Variants in SNRNP48 observed in about 807,000 individuals in gnomAD.
The protein encoded by SNRNP48 is small nuclear ribonucleoprotein U11/U12 subunit 48.
In SNRNP48, 43 loss-of-function variants were observed where a neutral mutation model predicts 47.0. The observed-to-expected ratio is 0.92, with a 90% CI of 0.72 to 1.18. The LOEUF (loss-of-function observed/expected upper bound fraction) is 1.18, where lower values mean the gene tolerates loss of function less well. Ranked by LOEUF, SNRNP48 falls within the 50% of genes most tolerant of loss-of-function variation. The pLI is 0.00. For missense variants in SNRNP48, 396 were observed against 422.2 expected, an observed-to-expected ratio of 0.94 and a Z score of 0.54; for synonymous variants, 138 against 144.0, an observed-to-expected ratio of 0.96 and a Z score of 0.30.
rs149615009 is a variant in SNRNP48 at position 7,604,110 on chromosome 6, G to T, written c.718-1288G>T. Among the ~76,000 whole-genome samples, 724 of 152,340 alleles carry T rather than the reference G, an allele frequency of 4.8e-3. 4 individuals are homozygous for T. The highest frequency in any genetic ancestry group is 7.6e-3 in the Non-Finnish European group (514 of 68,030). ...TCTGCTATTGACTCTTGCCTATGTG[G>T]TGGAGCCTGAGCTAGGTGGATTCTG... On this transcript the variant is annotated intron_variant, in intron 6 of 8. Transcript: ENST00000342415.
intron 5 of SNRNP48, among the ~76,000 whole-genome samples, chr6:7,602,132 C>T (rs1197050474): frequency 2.0e-5 from 3 of 152,080 alleles, no homozygotes; most frequent in South Asian, 2.1e-4. Flanking sequence ...GGGATTACAA[C>T]GTGAGCCACT....
Position 7,606,054 on chromosome 6 carries a change from C to T in SNRNP48, c.830C>T (p.Ser277Leu), listed in dbSNP as rs746897610. ...AEKNEERRSASVDSRQSGGSY... is the reference protein window; with the variant it reads ...AEKNEERRSALVDSRQSGGSY... The stretch of plus-strand genomic sequence containing the variant: ...AGGAATGAAGAAAGGCGATCAGCTT[C>T]AGTAGATTCACGGCAGTCTGGTGGA... Residue 277 changes from serine (S) to leucine (L), a missense_variant, in exon 8 of 9, where the codon TCA (serine) becomes TTA (leucine). Ser to Leu is a moderately radical substitution (Grantham distance 145, BLOSUM62 -2). Coordinates refer to ENST00000342415, the MANE Select transcript of SNRNP48 (RefSeq NM_152551.4). 2 of 1,606,112 alleles carry T rather than the reference C, an allele frequency of 1.2e-6. No homozygotes were observed. The highest frequency in any genetic ancestry group is 1.7e-6 in the Non-Finnish European group (2 of 1,178,084).
At chr6:7,600,650 A>C (rs927290390) in intron 4 of SNRNP48, 3 of 152,148 alleles carry the variant, frequency 2.0e-5, no homozygotes, top group African/African-American at 7.2e-5. Context: ...TTCTGTAACT[A>C]CCGGGGGGCA....
chr6:7,600,706 C>G (rs1464354690), intron 4 of SNRNP48: 1 of 152,136 alleles, frequency 6.6e-6, no homozygotes, highest in Non-Finnish European at 1.5e-5. Flanking sequence ...CACTATGCTT[C>G]CTCCTCAGGA....
intron 3 of SNRNP48, 111 bp from the exon 4 acceptor site, chr6:7,594,916 C>A: frequency 1.3e-6 from 1 of 797,918 alleles, no homozygotes; most frequent in Non-Finnish European, 2.0e-6. Context: ...TCTTAAGATT[C>A]TGGAAGGTTT....
chr6:7,599,871 G>A, intron 4 of SNRNP48: 1 of 1,022,088 alleles, frequency 9.8e-7, no homozygotes, highest in Non-Finnish European at 1.2e-6. Flanking sequence ...TCATCATAAA[G>A]AAATTTAAGA....
In SNRNP48 at chr6:7,611,391, A is replaced by G. The variant is rs1760231649; in HGVS notation, c.*2518A>G. The G allele has an allele frequency of 6.6e-6, 1 of 152,100 alleles. No individual in the cohort carries two copies. The highest frequency in any genetic ancestry group is 2.1e-4 in the South Asian group (1 of 4,824). 9.4% of individuals were successfully genotyped at this position (152,100 alleles called of 1,614,324 possible). ...TTTTTTGTAGAGACAGGATCTCACT[A>G]TGTTCTCCAGCTGGTCTCAAGCTCC... On this transcript the variant is annotated 3_prime_UTR_variant, in exon 9 of 9. Coordinates refer to ENST00000342415, the MANE Select transcript of SNRNP48 (RefSeq NM_152551.4).
intron 6 of SNRNP48, 95 bp downstream of exon 6, chr6:7,602,839 A>T (rs1429963324): frequency 1.6e-6 from 2 of 1,260,404 alleles, no homozygotes; most frequent in South Asian, 1.7e-5. Context: ...AAATTTTCTG[A>T]AAGTGTCTTC....
At chr6:7,604,964 A>G (rs1760097120) in intron 6 of SNRNP48, among the ~76,000 whole-genome samples, 1 of 152,174 alleles carries the variant, frequency 6.6e-6, no homozygotes, top group South Asian at 2.1e-4. Flanking sequence ...GTCTTTACCC[A>G]GATCACCCAT....
chr6:7,601,757 A>C (rs548801796), intron 5 of SNRNP48, among the ~76,000 whole-genome samples: 2 of 152,320 alleles, frequency 1.3e-5, no homozygotes, highest in South Asian at 4.1e-4. Flanking sequence ...CCTCTGTACT[A>C]TACATGTAGA....
At chr6:7,597,221 G>A (rs929923810) in intron 4 of SNRNP48, among the ~76,000 whole-genome samples, 5 of 152,150 alleles carry the variant, frequency 3.3e-5, no homozygotes, top group African/African-American at 1.2e-4. Flanking sequence ...ACTAAGTTCT[G>A]AATTTTGACA....
At position 7,611,364 on chromosome 6, in the gene SNRNP48, A is replaced by C. The variant is rs528540029; in HGVS notation, c.*2491A>C. 7 of 152,128 alleles carry C rather than the reference A, an allele frequency of 4.6e-5. No individual in the cohort carries two copies. Among genetic ancestry groups the C allele is most frequent in the Admixed American group, 3.3e-4 (5 of 15,278 alleles). 9.4% of individuals were successfully genotyped at this position (152,128 alleles called of 1,614,324 possible). On this transcript the variant is annotated 3_prime_UTR_variant, in exon 9 of 9. Transcript: ENST00000342415. ...CTGTCTAAAAAGTATGTATTTTTAA[A>C]TTTTTTTGTAGAGACAGGATCTCAC... is the stretch of plus-strand genomic sequence containing the variant.
intron 5 of SNRNP48, among the ~76,000 whole-genome samples, chr6:7,602,256 A>G (rs1175542207): frequency 1.3e-5 from 2 of 152,224 alleles, no homozygotes; most frequent in Non-Finnish European, 2.9e-5. Flanking sequence ...AGACTTGAGC[A>G]TCCATGGATT....
chr6:7,598,379 C>T (rs546840668), intron 4 of SNRNP48, among the ~76,000 whole-genome samples: 1 of 152,034 alleles, frequency 6.6e-6, no homozygotes, highest in East Asian at 2.0e-4. Context: ...CCTGTAATCC[C>T]AGCTACTCAG....
At position 7,610,257 on chromosome 6, in the gene SNRNP48, CAGAA is replaced by C. The variant is rs1358756372; in HGVS notation, c.*1388_*1391del. On this transcript the variant is annotated 3_prime_UTR_variant, in exon 9 of 9. Coordinates refer to ENST00000342415, the MANE Select transcript of SNRNP48 (RefSeq NM_152551.4). ...TATTTTAATAAGTAGCTGACAGTGA[CAGAA>C]AGATTGGATTTGGATCAGATTGGCT... The C allele has an allele frequency of 1.8e-4, 27 of 152,146 alleles. No individual in the cohort carries two copies. The highest frequency in any genetic ancestry group is 1.8e-3 in the Admixed American group (27 of 15,276). The allele number at this position is 152,146 out of a possible 1,614,324, so 9.4% of individuals were successfully genotyped here.
chr6:7,601,342 ATTC>A lies in SNRNP48; in HGVS notation c.417_419del (p.Ser140del). The A allele has an allele frequency of 2.6e-6, 4 of 1,565,374 alleles. No individual in the cohort carries two copies. The highest frequency in any genetic ancestry group is 3.4e-6 in the Non-Finnish European group (4 of 1,167,386). Reference sequence around the variant, plus strand: ...GATTTTATTTTTACTTTAGGAATTTATTCTTCATTGCCTGTTGAAGTTCCTTTG... The same window carrying A: ...GATTTTATTTTTACTTTAGGAATTTATTCATTGCCTGTTGAAGTTCCTTTG... On this transcript the variant is annotated inframe_deletion, in exon 5 of 9. Coordinates refer to ENST00000342415, the MANE Select transcript of SNRNP48 (RefSeq NM_152551.4).
chr6:7,609,112 A>G lies in SNRNP48; in HGVS notation c.*239A>G, dbSNP rs887934535. The G allele has an allele frequency of 3.7e-5, 10 of 270,020 alleles. No homozygotes were observed. The highest frequency in any genetic ancestry group is 1.8e-4 in the African/African-American group (8 of 45,594). The allele number at this position is 270,020 out of a possible 1,614,324, so 16.7% of individuals were successfully genotyped here. ...TTTTATTAGATGATTTGCTTCCTAT[A>G]ACTGATGTTGTTTTGTTCGTTTTGC... On this transcript the variant is annotated 3_prime_UTR_variant, in exon 9 of 9. Transcript: ENST00000342415.
At chr6:7,605,515 ACTCT>A in intron 7 of SNRNP48, 29 bp downstream of exon 7, 4 of 1,581,142 alleles carry the variant, frequency 2.5e-6, no homozygotes, top group Non-Finnish European at 3.5e-6. Flanking sequence ...TGGTGAAAAT[ACTCT>A]CTCTTTGATA....
At chr6:7,599,430 A>G (rs1427071472) in intron 4 of SNRNP48, among the ~76,000 whole-genome samples, 22 of 152,196 alleles carry the variant, frequency 1.4e-4, no homozygotes, top group Admixed American at 1.4e-3. Context: ...TTTATGTTAT[A>G]TATATTTTGC....
Sources: allele counts gnomAD v4.1 joint callset (sites outside exome capture counted in the v4.1 genomes callset), GRCh38; gene constraint gnomAD v4.1.1; transcripts MANE v1.5; gene names NCBI Gene and HGNC (gene_info 2026-07-23, HGNC 2026-07-21).